Variants in HPSE2 observed in about 807,000 individuals in gnomAD.
HPSE2 encodes heparanase 2 (inactive).
HPSE2 carries 38 observed loss-of-function variants against 60.5 expected under a neutral mutation model. That is an observed-to-expected ratio of 0.63 (90% CI 0.48 to 0.82). The LOEUF is 0.82. HPSE2 is among the 40% of genes least tolerant of loss of function. The probability of loss-of-function intolerance (pLI) is 0.00; values close to 1 mark genes in which losing one functional copy is unlikely to be tolerated. For synonymous variants in HPSE2, 295 were observed against 293.2 expected, an observed-to-expected ratio of 1.01 and a Z score of -0.06; for missense variants, 713 against 740.4, an observed-to-expected ratio of 0.96 and a Z score of 0.43.
At chr10:98,927,403 C>T (rs1355522986) in intron 3 of HPSE2, among the ~76,000 whole-genome samples, 3 of 151,276 alleles carry the variant, frequency 2.0e-5, no homozygotes, top group Non-Finnish European at 4.4e-5. Flanking sequence ...GTGAAAATGG[C>T]CATACTGCCC....
At chr10:99,261,152 T>C in the HPSE2 span, among the ~76,000 whole-genome samples, 2 of 152,112 alleles carry the variant, frequency 1.3e-5, no homozygotes, top group African/African-American at 2.4e-5. Flanking sequence ...ATCCCACATC[T>C]TTCTTCTTTC....
intron 2 of HPSE2, among the ~76,000 whole-genome samples, chr10:99,186,730 C>G (rs1394225728): frequency 6.6e-6 from 1 of 152,000 alleles, no homozygotes; most frequent in Admixed American, 6.6e-5. Flanking sequence ...CATGCTTATT[C>G]TTTAAAAAAT....
intron 10 of HPSE2, among the ~76,000 whole-genome samples, chr10:98,487,622 G>C (rs534152393): frequency 7.9e-4 from 120 of 152,346 alleles, no homozygotes; most frequent in African/African-American, 2.1e-3. Context: ...TGGAGTGCAG[G>C]GGTTGTTATT....
intron 9 of HPSE2, among the ~76,000 whole-genome samples, chr10:98,495,112 C>A (rs905100053): frequency 2.6e-5 from 4 of 151,892 alleles, no homozygotes; most frequent in Non-Finnish European, 5.9e-5. Context: ...TTGAGAATGT[C>A]TTAATTTCTC....
intron 3 of HPSE2, among the ~76,000 whole-genome samples, chr10:98,974,727 G>A (rs75552067): frequency 0.035 from 5,306 of 152,128 alleles, 126 homozygotes; most frequent in South Asian, 0.057. Context: ...TCATCATAAA[G>A]TATCCATTAT....
intron 2 of HPSE2, among the ~76,000 whole-genome samples, chr10:99,170,027 TATACAAAAA>T (rs1847248435): frequency 6.6e-6 from 1 of 152,150 alleles, no homozygotes; most frequent in Non-Finnish European, 1.5e-5. Flanking sequence ...CCAATAAAAC[TATACAAAAA>T]CAGGTGGTGG....
At chr10:99,279,139 G>C in the HPSE2 span, among the ~76,000 whole-genome samples, 1 of 152,104 alleles carries the variant, frequency 6.6e-6, no homozygotes, top group Non-Finnish European at 1.5e-5. Flanking sequence ...ATTTCAACAG[G>C]GTTGCAATTG....
chr10:98,997,243 G>A (rs112132339), intron 3 of HPSE2, among the ~76,000 whole-genome samples: 17,205 of 150,944 alleles, frequency 0.11, 1,080 homozygotes, highest in South Asian at 0.18. Flanking sequence ...CTCCAGAGTA[G>A]CTGGGACTAC....
chr10:98,948,965 A>G (rs112616935), intron 3 of HPSE2, among the ~76,000 whole-genome samples: 9 of 152,274 alleles, frequency 5.9e-5, no homozygotes, highest in African/African-American at 1.7e-4. Context: ...TATGTTATCA[A>G]TAAGGCTTCT....
intron 3 of HPSE2, among the ~76,000 whole-genome samples, chr10:98,799,928 A>C (rs952213496): frequency 1.3e-5 from 2 of 152,202 alleles, no homozygotes; most frequent in Non-Finnish European, 2.9e-5. Flanking sequence ...AGAAATAATA[A>C]AGATCAGAGC....
At chr10:98,600,911 G>GTATATATGTGTGTGTGTGTATATA (rs576143051) in intron 9 of HPSE2, among the ~76,000 whole-genome samples, 31 of 73,718 alleles carry the variant, frequency 4.2e-4, no homozygotes, top group African/African-American at 1.1e-3. Flanking sequence ...ATGTGTGTGT[G>GTATATATGTGTGTGTGTGTATATA]TATATATATA....
At chr10:99,172,547 C>T (rs185483383) in intron 2 of HPSE2, among the ~76,000 whole-genome samples, 11 of 152,290 alleles carry the variant, frequency 7.2e-5, no homozygotes, top group Admixed American at 2.6e-4. Context: ...AAGGAGCTCA[C>T]AGCCTACTGT....
chr10:98,806,284 G>A (rs1951039935), intron 3 of HPSE2, among the ~76,000 whole-genome samples: 1 of 152,144 alleles, frequency 6.6e-6, no homozygotes. Flanking sequence ...TTCAAATGAG[G>A]AAAATGAAGT....
chr10:98,591,836 T>C (rs1289868830), intron 9 of HPSE2, among the ~76,000 whole-genome samples: 1 of 152,180 alleles, frequency 6.6e-6, no homozygotes, highest in Non-Finnish European at 1.5e-5. Flanking sequence ...AACACTGCAT[T>C]ACACGGCCCA....
intron 3 of HPSE2, among the ~76,000 whole-genome samples, chr10:98,818,797 A>G (rs1449204301): frequency 6.6e-6 from 1 of 152,196 alleles, no homozygotes; most frequent in Non-Finnish European, 1.5e-5. Flanking sequence ...AAATCTATCC[A>G]AGTGGCTTTT....
At chr10:98,525,386 C>T (rs1011466842) in intron 9 of HPSE2, among the ~76,000 whole-genome samples, 1 of 152,242 alleles carries the variant, frequency 6.6e-6, no homozygotes, top group African/African-American at 2.4e-5. Context: ...TCTTCGCCAT[C>T]ACAACATCTC....
the HPSE2 span, among the ~76,000 whole-genome samples, chr10:99,295,725 T>A: frequency 6.6e-6 from 1 of 152,320 alleles, no homozygotes. Flanking sequence ...ATTATGCCTT[T>A]GGAATCAAAA....
intron 4 of HPSE2, among the ~76,000 whole-genome samples, chr10:98,724,705 C>T (rs1397239454): frequency 5.3e-5 from 8 of 152,100 alleles, no homozygotes; most frequent in Non-Finnish European, 1.2e-4. Context: ...GAATTGATCC[C>T]TTTACCATTG....
At chr10:99,114,829 G>A (rs1844610490) in intron 3 of HPSE2, among the ~76,000 whole-genome samples, 1 of 150,678 alleles carries the variant, frequency 6.6e-6, no homozygotes, top group South Asian at 2.1e-4. Flanking sequence ...CAGGAGAATG[G>A]CGTGAACCCG....
Sources: gnomAD v4.1 joint callset for allele counts (sites outside exome capture counted in the v4.1 genomes callset) on GRCh38, gnomAD v4.1.1 for gene constraint, MANE v1.5 for transcripts, NCBI Gene and HGNC (gene_info 2026-07-23, HGNC 2026-07-21) for gene names.